NEK1: variants seen among roughly 807,000 people sequenced by gnomAD.
The protein encoded by NEK1 is serine/threonine-protein kinase Nek1.
NEK1 carries 137 observed loss-of-function variants against 182.1 expected under a neutral mutation model. The observed-to-expected ratio is 0.75, with a 90% CI of 0.65 to 0.87. NEK1 has a LOEUF of 0.87. Among genes scored for constraint, NEK1 ranks in the 40% least tolerant of loss-of-function variants. NEK1 has a pLI of 0.00. For synonymous variants in NEK1, 513 were observed against 492.2 expected, an observed-to-expected ratio of 1.04 and a Z score of -0.56; for missense variants, 1,391 against 1,494.4, an observed-to-expected ratio of 0.93 and a Z score of 1.14.
intron 35 of NEK1, 23 bp from the exon 36 acceptor site, chr4:169,394,546 G>A: frequency 7.3e-7 from 1 of 1,369,366 alleles, no homozygotes; most frequent in Non-Finnish European, 1.0e-6. Context: ...GAAAAAAATT[G>A]ACTTCATTTC....
intron 12 of NEK1, among the ~76,000 whole-genome samples, chr4:169,571,455 A>G (rs949067979): frequency 1.3e-5 from 2 of 152,172 alleles, no homozygotes; most frequent in South Asian, 2.1e-4. Context: ...AAGCAGAGTA[A>G]AGTAGAGTAG....
chr4:169,468,894 G>A (rs113350051), intron 26 of NEK1, among the ~76,000 whole-genome samples: 4,378 of 152,250 alleles, frequency 0.029, 80 homozygotes, highest in Non-Finnish European at 0.045. Flanking sequence ...AGATTTACTA[G>A]TTTATTTGCA....
intron 12 of NEK1, among the ~76,000 whole-genome samples, chr4:169,564,113 AACAATTCTAACT>A (rs1763337109): frequency 6.6e-6 from 1 of 152,124 alleles, no homozygotes; most frequent in Non-Finnish European, 1.5e-5. Context: ...CAATTTTTCA[AACAATTCTAACT>A]ACAATTCTAT....
chr4:169,448,185 C>T (rs1280196505), intron 27 of NEK1, among the ~76,000 whole-genome samples: 1 of 152,044 alleles, frequency 6.6e-6, no homozygotes, highest in African/African-American at 2.4e-5. Flanking sequence ...TGAGATTGTG[C>T]CACTGCCCTC....
Position 169,393,787 on chromosome 4 carries a change from T to C in NEK1, c.*723A>G, listed in dbSNP as rs1285860364. The C allele has an allele frequency of 6.6e-6, 1 of 152,220 alleles. No individual in the cohort carries two copies. The highest frequency in any genetic ancestry group is 2.4e-5 in the African/African-American group (1 of 41,468). 9.4% of individuals were successfully genotyped at this position (152,220 alleles called of 1,614,324 possible). A position where few individuals can be genotyped will look rare whatever the true frequency, so the allele number is the denominator to read the frequency against. On this transcript the variant is annotated 3_prime_UTR_variant, in exon 36 of 36. Transcript: ENST00000507142. ...CTAAGTCAGTGTTAAATCCACAGAC[T>C]AATTTTTCGATATAGTATTCCTGGT...
At chr4:169,411,075 A>C (rs1236492816) in intron 31 of NEK1, among the ~76,000 whole-genome samples, 2 of 152,222 alleles carry the variant, frequency 1.3e-5, no homozygotes, top group African/African-American at 4.8e-5. Context: ...TTCTAGGGAC[A>C]AGATAGGTCT....
At chr4:169,602,796 T>C in intron 2 of NEK1, 118 bp from the exon 3 acceptor site, 1 of 533,170 alleles carries the variant, frequency 1.9e-6, no homozygotes, top group East Asian at 3.3e-5. Flanking sequence ...TAAAAAAGGA[T>C]ATTTAATATA....
chr4:169,446,385 T>C (rs1460692269), intron 27 of NEK1, among the ~76,000 whole-genome samples: 3 of 152,102 alleles, frequency 2.0e-5, no homozygotes, highest in Non-Finnish European at 4.4e-5. Flanking sequence ...TGTGAAACTA[T>C]TATGAACAAC....
chr4:169,521,932 A>C (rs1203022917), intron 19 of NEK1, among the ~76,000 whole-genome samples: 1 of 152,200 alleles, frequency 6.6e-6, no homozygotes, highest in East Asian at 1.9e-4. Context: ...TCTTAAATCT[A>C]TAGGTGAGAA....
chr4:169,435,104 G>T (rs1340933267), intron 28 of NEK1, among the ~76,000 whole-genome samples: 3 of 152,178 alleles, frequency 2.0e-5, no homozygotes, highest in Non-Finnish European at 2.9e-5. Flanking sequence ...AGACTGGGTG[G>T]TGTAAATAAT....
intron 23 of NEK1, among the ~76,000 whole-genome samples, chr4:169,480,793 G>C (rs1313286577): frequency 6.6e-6 from 1 of 152,046 alleles, no homozygotes; most frequent in Admixed American, 6.5e-5. Context: ...TGCCTAGGCT[G>C]GTCTTGAACT....
rs963638513 is a variant in NEK1, at chr4:169,552,617, C to G, written c.1562+3103G>C. On this transcript the variant is annotated intron_variant, in intron 18 of 35. Coordinates refer to ENST00000507142, the MANE Select transcript of NEK1 (RefSeq NM_001199397.3). ...TGCAATAAGACAAGGAAAGAAAACACAAGGTATACAGACTGGGAAGGAAGA... is the reference window on the plus strand; with the variant it reads ...TGCAATAAGACAAGGAAAGAAAACAGAAGGTATACAGACTGGGAAGGAAGA... 2.6e-5 allele frequency among the ~76,000 whole-genome samples: 4 copies of G among 152,116 alleles called. No individual in the cohort carries two copies. The East Asian group carries it at 7.7e-4, about 29-fold the overall frequency.
At chr4:169,461,981 G>A (rs1415753017) in intron 27 of NEK1, among the ~76,000 whole-genome samples, 1 of 152,034 alleles carries the variant, frequency 6.6e-6, no homozygotes, top group Non-Finnish European at 1.5e-5. Flanking sequence ...AATGGATTAT[G>A]ATGAATACGA....
At chr4:169,396,595 A>T (rs1162719753) in intron 35 of NEK1, among the ~76,000 whole-genome samples, 2 of 152,048 alleles carry the variant, frequency 1.3e-5, no homozygotes, top group African/African-American at 4.8e-5. Context: ...ATGGAAAAAA[A>T]AGCATTAACT....
Position 169,427,412 on chromosome 4 carries a change from C to G in NEK1, c.2886-1178G>C, listed in dbSNP as rs573520179. On this transcript the variant is annotated intron_variant, in intron 29 of 35. Coordinates refer to ENST00000507142, the MANE Select transcript of NEK1 (RefSeq NM_001199397.3). ...AAGTGCTGGGATTACAGGCATGAGC[C>G]ACTGCGCCCGGCCTGTTTCAAATTT... Among the ~76,000 whole-genome samples the G allele has an allele frequency of 3.3e-5, 5 of 152,140 alleles. No individual in the cohort carries two copies. In the South Asian group the frequency reaches 1.0e-3, roughly 32 times the overall value.
At position 169,429,952 on chromosome 4, in the gene NEK1, T is replaced by C. The variant is rs1464063595; in HGVS notation, c.2885+3593A>G. On this transcript the variant is annotated intron_variant, in intron 29 of 35. Coordinates refer to ENST00000507142, the MANE Select transcript of NEK1 (RefSeq NM_001199397.3). ...CTTTAATCAATCTGGTATTGTTTTGTTGAATGATTTCAGAAATGGAAATGA... is the reference window on the plus strand; with the variant it reads ...CTTTAATCAATCTGGTATTGTTTTGCTGAATGATTTCAGAAATGGAAATGA... Among the ~76,000 whole-genome samples the C allele has an allele frequency of 2.0e-5, 3 of 152,320 alleles. No individual in the cohort carries two copies. The East Asian group carries it at 5.8e-4, about 29-fold the overall frequency.
intron 26 of NEK1, among the ~76,000 whole-genome samples, chr4:169,465,282 T>C (rs1225954717): frequency 6.6e-6 from 1 of 151,922 alleles, no homozygotes; most frequent in Non-Finnish European, 1.5e-5. Flanking sequence ...CAAACAAAAC[T>C]GGGATAACTA....
chr4:169,491,034 T>C (rs1749967324), intron 23 of NEK1, among the ~76,000 whole-genome samples: 1 of 148,124 alleles, frequency 6.8e-6, no homozygotes, highest in Admixed American at 6.9e-5. Flanking sequence ...TCCCAGCTAC[T>C]TGGGAGGCTG....
At chr4:169,470,914 G>C (rs1446068865) in intron 26 of NEK1, among the ~76,000 whole-genome samples, 1 of 151,980 alleles carries the variant, frequency 6.6e-6, no homozygotes, top group Non-Finnish European at 1.5e-5. Flanking sequence ...TGATTGATTT[G>C]GCTATTGATA....
Sources: gnomAD v4.1 joint callset for allele counts (sites outside exome capture counted in the v4.1 genomes callset) on GRCh38, gnomAD v4.1.1 for gene constraint, MANE v1.5 for transcripts, NCBI Gene and HGNC (gene_info 2026-07-23, HGNC 2026-07-21) for gene names.